The following PACS1 variants were observed in gnomAD, a reference collection of about 807,000 sequenced individuals.
PACS1 encodes phosphofurin acidic cluster sorting protein 1, also known as PACS-1.
In PACS1, 24 loss-of-function variants were observed where a neutral mutation model predicts 115.0. The observed-to-expected ratio is 0.21, with a 90% CI of 0.15 to 0.29. PACS1 has a LOEUF of 0.29. PACS1 is among the 10% of genes least tolerant of loss of function. PACS1 has a pLI of 1.00. For synonymous variants in PACS1, 453 were observed against 504.5 expected, an observed-to-expected ratio of 0.90 and a Z score of 1.37; for missense variants, 838 against 1,251.2, an observed-to-expected ratio of 0.67 and a Z score of 4.98.
At chr11:66,119,365 C>T (rs1205087897) in intron 1 of PACS1, among the ~76,000 whole-genome samples, 1 of 152,246 alleles carries the variant, frequency 6.6e-6, no homozygotes, top group Non-Finnish European at 1.5e-5. Flanking sequence ...TCTGTGGCTG[C>T]TTTCTCCCTA....
Position 66,238,578 on chromosome 11 carries a change from G to GA in PACS1, c.2251-223dup, listed in dbSNP as rs1368237792. The GA allele has an allele frequency of 6.0e-6, 3 of 498,254 alleles. No individual in the cohort carries two copies. In the Admixed American group the frequency reaches 1.0e-4, roughly 17 times the overall value. The allele number at this position is 498,254 out of a possible 1,614,324, so 30.9% of individuals were successfully genotyped here. On this transcript the variant is annotated intron_variant, in intron 19 of 23. Coordinates refer to ENST00000320580, the MANE Select transcript of PACS1 (RefSeq NM_018026.4). The stretch of plus-strand genomic sequence containing the variant: ...TGCAGTGGCGCCATCTCAGCTCACT[G>GA]AAACCTCCGCCTCTCAGGTTCAAGC...
intron 17 of PACS1, among the ~76,000 whole-genome samples, 166 bp downstream of exon 17, chr11:66,234,408 CTG>C (rs777091217): frequency 6.6e-6 from 1 of 152,238 alleles, no homozygotes; most frequent in African/African-American, 2.4e-5. Flanking sequence ...CGGAGGCTCA[CTG>C]TGCACAGCCC....
rs890844838 is a variant in PACS1 at position 66,233,113 on chromosome 11, A to C, written c.1838+47A>C. On this transcript the variant is annotated intron_variant, in intron 15 of 23. Coordinates refer to ENST00000320580, the MANE Select transcript of PACS1 (RefSeq NM_018026.4). The surrounding 1 kb of genome is among the most constrained non-coding windows in gnomAD (Gnocchi z 4.5). ...CTCCTGCCCTTAGAGATTCCCTCTG[A>C]CCTCATCTTCCAACCCTGACTTCTA... 1.2e-5 allele frequency: 16 copies of C among 1,387,814 alleles called. No individual in the cohort carries two copies. The highest frequency in any genetic ancestry group is 1.6e-5 in the Non-Finnish European group (16 of 986,964). The allele number at this position is 1,387,814 out of a possible 1,614,324, so 86.0% of individuals were successfully genotyped here. A position where few individuals can be genotyped will look rare whatever the true frequency, so the allele number is the denominator to read the frequency against.
intron 1 of PACS1, among the ~76,000 whole-genome samples, chr11:66,177,796 T>G (rs1291561844): frequency 6.6e-6 from 1 of 152,128 alleles, no homozygotes; most frequent in East Asian, 1.9e-4. Context: ...TTTTTTTTTG[T>G]AGACACGGGG....
At chr11:66,109,034 T>C (rs1444524235) in intron 1 of PACS1, among the ~76,000 whole-genome samples, 7 of 152,188 alleles carry the variant, frequency 4.6e-5, no homozygotes, top group African/African-American at 1.7e-4. Context: ...AAGTGATACC[T>C]CTTTGACTGG....
intron 2 of PACS1, among the ~76,000 whole-genome samples, chr11:66,202,357 A>C (rs749911491): frequency 2.0e-5 from 3 of 152,174 alleles, no homozygotes; most frequent in Non-Finnish European, 4.4e-5. Flanking sequence ...CAATCTATGA[A>C]ACCAATATTC....
chr11:66,116,821 T>G (rs528116862), intron 1 of PACS1, among the ~76,000 whole-genome samples: 1 of 150,358 alleles, frequency 6.7e-6, no homozygotes, highest in South Asian at 2.2e-4. Context: ...GCCTGGGAGG[T>G]GGAGTTTGCA....
At chr11:66,184,558 G>T (rs1860079129) in intron 1 of PACS1, among the ~76,000 whole-genome samples, 1 of 152,164 alleles carries the variant, frequency 6.6e-6, no homozygotes, top group Non-Finnish European at 1.5e-5. Context: ...TCTGTACCCA[G>T]TTATCAAGTA....
chr11:66,146,579 C>T (rs565329188), intron 1 of PACS1, among the ~76,000 whole-genome samples: 80 of 152,128 alleles, frequency 5.3e-4, no homozygotes, highest in African/African-American at 1.5e-3. Flanking sequence ...TACCAACACA[C>T]ATGTCACAGA....
chr11:66,224,414 G>A (rs1299965310), intron 10 of PACS1, among the ~76,000 whole-genome samples: 1 of 152,200 alleles, frequency 6.6e-6, no homozygotes, highest in African/African-American at 2.4e-5. Flanking sequence ...TCCCAAGGTA[G>A]TGAGGAGATG....
At chr11:66,229,527 A>C (rs180695464) in intron 11 of PACS1, among the ~76,000 whole-genome samples, 38 of 151,994 alleles carry the variant, frequency 2.5e-4, no homozygotes, top group African/African-American at 9.2e-4. Context: ...TCTCTACTAA[A>C]AATAAGCCGG....
chr11:66,214,606 C>T, intron 4 of PACS1, among the ~76,000 whole-genome samples: 1 of 111,948 alleles, frequency 8.9e-6, no homozygotes, highest in Admixed American at 1.3e-4. Context: ...TTCTTCCTTT[C>T]TTCTTTTTCT....
intron 1 of PACS1, among the ~76,000 whole-genome samples, chr11:66,107,273 A>T (rs1469505659): frequency 6.6e-6 from 1 of 152,192 alleles, no homozygotes; most frequent in Non-Finnish European, 1.5e-5. Context: ...TGCCTCTGCC[A>T]CATAGAGTCA....
At chr11:66,241,220 CT>C in intron 21 of PACS1, 1 of 538,352 alleles carries the variant, frequency 1.9e-6, no homozygotes, top group Non-Finnish European at 3.3e-6. Flanking sequence ...CTTTTCGTGA[CT>C]TGGGCCTTTA....
At chr11:66,113,053 G>A (rs1858222419) in intron 1 of PACS1, among the ~76,000 whole-genome samples, 1 of 152,198 alleles carries the variant, frequency 6.6e-6, no homozygotes, top group Non-Finnish European at 1.5e-5. Flanking sequence ...ATGGGAGAGG[G>A]TTGACTGGGA....
intron 1 of PACS1, among the ~76,000 whole-genome samples, chr11:66,105,749 G>C (rs1858022481): frequency 6.6e-6 from 1 of 152,192 alleles, no homozygotes; most frequent in Admixed American, 6.5e-5. Context: ...AGAAATTAGA[G>C]ATGGTGTTGA....
chr11:66,092,249 G>T (rs1308813291), intron 1 of PACS1, among the ~76,000 whole-genome samples: 3 of 152,046 alleles, frequency 2.0e-5, no homozygotes, highest in Non-Finnish European at 4.4e-5. Context: ...TTGTGGTTTT[G>T]ATTTGCATTT....
chr11:66,198,695 C>T (rs186087584), intron 2 of PACS1, among the ~76,000 whole-genome samples: 22 of 152,214 alleles, frequency 1.4e-4, no homozygotes, highest in Admixed American at 4.6e-4. Flanking sequence ...GGTTGCACAG[C>T]GCTGAACATA....
rs973440645 is a variant in PACS1, at chr11:66,070,356, G to A, written c.-131G>A. Reference sequence around the variant, plus strand: ...CCCAGAGGCCCCGCGCGTGCGTGCAGCTCGCTGGCTGCTCGCGCTCGGGCA... The same window carrying A: ...CCCAGAGGCCCCGCGCGTGCGTGCAACTCGCTGGCTGCTCGCGCTCGGGCA... On this transcript the variant is annotated 5_prime_UTR_variant, in exon 1 of 24. Coordinates refer to ENST00000320580, the MANE Select transcript of PACS1 (RefSeq NM_018026.4). This position sits in a 1 kb window ranked among gnomAD's most constrained non-coding sequence, Gnocchi z 5.9. 3.1e-4 allele frequency: 131 copies of A among 420,000 alleles called. No homozygotes were observed. The highest frequency in any genetic ancestry group is 1.4e-3 in the Admixed American group (26 of 19,254). 26.0% of individuals were successfully genotyped at this position (420,000 alleles called of 1,614,324 possible). A position where few individuals can be genotyped will look rare whatever the true frequency, so the allele number is the denominator to read the frequency against.
Sources: gnomAD v4.1 joint callset for allele counts (sites outside exome capture counted in the v4.1 genomes callset) on GRCh38, gnomAD v4.1.1 for gene constraint, Gnocchi (gnomAD v3.1) non-coding constraint, MANE v1.5 for transcripts, NCBI Gene and HGNC (gene_info 2026-07-23, HGNC 2026-07-21) for gene names.